Variants in EEF1D observed in about 807,000 individuals in gnomAD.
The protein encoded by EEF1D is elongation factor 1-delta.
EEF1D carries 47 observed loss-of-function variants against 63.9 expected under a neutral mutation model. That is an observed-to-expected ratio of 0.74 (90% CI 0.58 to 0.94). The LOEUF (loss-of-function observed/expected upper bound fraction) is 0.94. Ranked by LOEUF, EEF1D falls within the 40% of genes least tolerant of loss-of-function variation. EEF1D has a pLI of 0.00. For synonymous variants in EEF1D, 412 were observed against 386.1 expected, an observed-to-expected ratio of 1.07 and a Z score of -0.79; for missense variants, 907 against 899.0, an observed-to-expected ratio of 1.01 and a Z score of -0.11.
Position 143,586,392 on chromosome 8 carries a change from CA to C in EEF1D, c.1216-103del, listed in dbSNP as rs375055826. On this transcript the variant is annotated intron_variant, in intron 4 of 9. Coordinates refer to ENST00000618139, the MANE Select transcript of EEF1D (RefSeq NM_001130053.5). ...CCCATGAACCCTCACATAGAGACAG[CA>C]AGAAAGTACTGCACAGAACGAGAGC... The C allele has an allele frequency of 1.6e-4, 177 of 1,092,624 alleles. No homozygotes were observed. The African/African-American group carries it at 2.7e-3, about 17-fold the overall frequency. The allele number at this position is 1,092,624 out of a possible 1,614,324, so 67.7% of individuals were successfully genotyped here.
At chr8:143,585,168 G>T (rs1402071224) in intron 5 of EEF1D, among the ~76,000 whole-genome samples, 1 of 152,196 alleles carries the variant, frequency 6.6e-6, no homozygotes, top group Non-Finnish European at 1.5e-5. Flanking sequence ...GCAAAAAGAA[G>T]AATTGGCAAA....
chr8:143,591,537 C>T (rs1827960303), intron 2 of EEF1D, among the ~76,000 whole-genome samples: 2 of 152,240 alleles, frequency 1.3e-5, no homozygotes, highest in Non-Finnish European at 2.9e-5. Context: ...CTCTGCTCCC[C>T]AAAAGCAGAA....
chr8:143,596,846 TCA>T (rs1828920784), intron 1 of EEF1D: 1 of 152,270 alleles, frequency 6.6e-6, no homozygotes, highest in African/African-American at 2.4e-5. Context: ...TTTGACCCAG[TCA>T]CAGTACAGGC....
At chr8:143,580,257 A>T in intron 8 of EEF1D, 51 bp from the exon 9 acceptor site, 1 of 1,573,566 alleles carries the variant, frequency 6.4e-7, no homozygotes, top group East Asian at 2.3e-5. Context: ...CAGAACACCC[A>T]GGAAGTACCT....
intron 4 of EEF1D, 105 bp from the exon 5 acceptor site, chr8:143,586,395 G>A (rs1208119023): frequency 4.6e-6 from 5 of 1,095,290 alleles, no homozygotes; most frequent in Admixed American, 2.8e-5. Context: ...GAGACAGCAA[G>A]AAAGTACTGC....
Position 143,589,869 on chromosome 8 carries a change from C to G in EEF1D, c.213G>C (p.Arg71Ser), listed in dbSNP as rs1321002953. ...DEAEAPDGGSRRDPRKSQDSR... is the reference protein window; with the variant it reads ...DEAEAPDGGSSRDPRKSQDSR... ...TGTCCTGGCTCTTCCTGGGATCACG[C>G]CTGCTGCCGCCGTCAGGGGCTTCCG... The change falls in exon 3 of 10, where the codon AGG (arginine) becomes AGC (serine). Residue 71 changes from arginine (R) to serine (S), a missense_variant. Transcript: ENST00000618139. 6.2e-7 allele frequency: 1 copy of G among 1,600,786 alleles called. No homozygotes were observed. The highest frequency in any genetic ancestry group is 8.5e-7 in the Non-Finnish European group (1 of 1,176,248).
chr8:143,594,896 CG>C (rs920812814), intron 1 of EEF1D, among the ~76,000 whole-genome samples: 1 of 66,286 alleles, frequency 1.5e-5, no homozygotes, highest in African/African-American at 3.4e-5. Flanking sequence ...TGTCTTCCTG[CG>C]TGGAGTGAGG....
At chr8:143,588,775 T>G in intron 3 of EEF1D, 1 of 648,338 alleles carries the variant, frequency 1.5e-6, no homozygotes, top group Non-Finnish European at 2.6e-6. Context: ...CCAGGCAGCC[T>G]GGAACTTTGT....
At position 143,589,980 on chromosome 8, in the gene EEF1D, C is replaced by T; in HGVS notation, c.102G>A (p.Gln34=). 1.3e-6 allele frequency: 2 copies of T among 1,599,410 alleles called. No individual in the cohort carries two copies. Among genetic ancestry groups the T allele is most frequent in the South Asian group, 2.2e-5 (2 of 91,048 alleles). ...ERRFYEHEAT[Q]AAASAQQLPA... ...GCAGCTGCTGGGCGGAGGCGGCCGC[C>T]TGTGTGGCCTCGTGTTCGTAGAAGC... Residue 34 remains glutamine, a synonymous_variant, in exon 3 of 10, where the codon CAG becomes CAA. Coordinates refer to ENST00000618139, the MANE Select transcript of EEF1D (RefSeq NM_001130053.5).
intron 2 of EEF1D, among the ~76,000 whole-genome samples, chr8:143,591,116 CT>C (rs1221477827): frequency 6.6e-6 from 1 of 152,226 alleles, no homozygotes; most frequent in Non-Finnish European, 1.5e-5. Flanking sequence ...GAGTCCATAC[CT>C]TTGGGTCCAT....
rs749697065 is a variant in EEF1D at position 143,580,614 on chromosome 8, GTCC to G, written c.1599_1601del (p.Glu533del). The G allele has an allele frequency of 2.5e-5, 40 of 1,613,714 alleles. No homozygotes were observed. Among genetic ancestry groups the G allele is most frequent in the South Asian group, 2.0e-4 (18 of 91,082 alleles). On this transcript the variant is annotated inframe_deletion, in exon 8 of 10. Coordinates refer to ENST00000618139, the MANE Select transcript of EEF1D (RefSeq NM_001130053.5). ...CCTCCCGCAGCTGTGCCGCCTCCTT[GTCC>G]TCCTCCTCATTGTCACTGCCAAACA...
intron 7 of EEF1D, 148 bp downstream of exon 7, chr8:143,580,906 G>T: frequency 1.8e-6 from 2 of 1,140,174 alleles, no homozygotes; most frequent in Non-Finnish European, 2.5e-6. Context: ...CCTGCCCAGG[G>T]CTAACTGTAA....
At chr8:143,584,539 C>A (rs568914480) in intron 5 of EEF1D, among the ~76,000 whole-genome samples, 1 of 152,142 alleles carries the variant, frequency 6.6e-6, no homozygotes, top group African/African-American at 2.4e-5. Context: ...TGTACTCCAG[C>A]CTGGGCGACA....
At chr8:143,579,987 T>G (rs553070746) in intron 9 of EEF1D, 25 bp downstream of exon 9, 1 of 1,606,876 alleles carries the variant, frequency 6.2e-7, no homozygotes, top group African/African-American at 1.3e-5. Context: ...TCCTCTCCCC[T>G]CCTCTCCCCG....
intron 4 of EEF1D, 129 bp from the exon 5 acceptor site, chr8:143,586,419 T>C (rs761337365): frequency 1.3e-5 from 12 of 959,466 alleles, no homozygotes; most frequent in East Asian, 8.1e-5. Context: ...GAACGAGAGC[T>C]TGGCGGGCCA....
chr8:143,588,786 A>C, intron 3 of EEF1D: 1 of 684,840 alleles, frequency 1.5e-6, no homozygotes, highest in Non-Finnish European at 2.4e-6. Flanking sequence ...GGAACTTTGT[A>C]ACCTCAAGCA....
intron 1 of EEF1D, chr8:143,594,169 T>C (rs1283191852): frequency 6.6e-6 from 1 of 152,436 alleles, no homozygotes; most frequent in Admixed American, 6.5e-5. Context: ...GTCCCTACTC[T>C]GCTCCTGGAA....
intron 1 of EEF1D, chr8:143,594,000 T>C (rs182380545): frequency 4.9e-6 from 4 of 811,540 alleles, no homozygotes; most frequent in Non-Finnish European, 6.0e-6. Context: ...ACACAGCGAC[T>C]CTTTCAACTG....
intron 5 of EEF1D, among the ~76,000 whole-genome samples, chr8:143,584,546 G>A (rs538218665): frequency 1.1e-4 from 16 of 152,130 alleles, no homozygotes; most frequent in East Asian, 1.9e-4. Context: ...CAGCCTGGGC[G>A]ACAGAGCAAG....
Sources: gnomAD v4.1 joint callset for allele counts (sites outside exome capture counted in the v4.1 genomes callset) on GRCh38, gnomAD v4.1.1 for gene constraint, MANE v1.5 for transcripts, NCBI Gene and HGNC (gene_info 2026-07-23, HGNC 2026-07-21) for gene names.